THSD7B: variants seen among roughly 807,000 people sequenced by gnomAD.
THSD7B encodes the protein thrombospondin type-1 domain-containing protein 7B.
THSD7B carries 138 observed loss-of-function variants against 213.6 expected under a neutral mutation model. The ratio of observed to expected loss-of-function variants is 0.65; its 90% CI spans 0.56 to 0.74. THSD7B has a LOEUF of 0.74. THSD7B is among the 30% of genes least tolerant of loss of function. The pLI is 0.00. For synonymous variants in THSD7B, 742 were observed against 687.0 expected (o/e 1.08, Z -1.25); for missense variants, 1,931 against 1,991.5 (o/e 0.97, Z 0.58).
At chr2:137,518,888 TGGTGGCA>T (rs998114209) in intron 15 of THSD7B, among the ~76,000 whole-genome samples, 50 of 152,274 alleles carry the variant, frequency 3.3e-4, no homozygotes, top group African/African-American at 1.1e-3. Context: ...GCCAGCTACT[TGGTGGCA>T]GGTTGATTAT....
chr2:136,983,160 T>G (rs926147651), intron 2 of THSD7B, among the ~76,000 whole-genome samples: 10 of 152,172 alleles, frequency 6.6e-5, no homozygotes, highest in African/African-American at 1.7e-4. Context: ...AATATGAATT[T>G]TAAGCAAAAT....
chr2:137,325,314 G>A (rs1057366298), intron 12 of THSD7B, among the ~76,000 whole-genome samples: 1 of 152,164 alleles, frequency 6.6e-6, no homozygotes, highest in African/African-American at 2.4e-5. Context: ...TTTCAGCCAT[G>A]GCTTTTTAAA....
At chr2:137,029,525 A>G (rs914343897) in intron 2 of THSD7B, among the ~76,000 whole-genome samples, 1 of 152,174 alleles carries the variant, frequency 6.6e-6, no homozygotes, top group Admixed American at 6.5e-5. Context: ...AAGATATACA[A>G]ACATACTTGT....
intron 2 of THSD7B, among the ~76,000 whole-genome samples, chr2:136,888,452 T>C (rs1247644633): frequency 2.0e-5 from 3 of 152,098 alleles, no homozygotes; most frequent in Non-Finnish European, 2.9e-5. Flanking sequence ...TATTTATATA[T>C]TAAAGGTTAG....
intron 2 of THSD7B, among the ~76,000 whole-genome samples, chr2:136,883,666 G>A (rs1241706295): frequency 6.6e-6 from 1 of 152,162 alleles, no homozygotes; most frequent in Non-Finnish European, 1.5e-5. Flanking sequence ...AATGAGATGT[G>A]TTAAGAAAAT....
Position 137,219,942 on chromosome 2 carries a change from A to T in THSD7B, c.1724-11102A>T, listed in dbSNP as rs951191853. Among the ~76,000 whole-genome samples the T allele has an allele frequency of 3.9e-5, 6 of 152,178 alleles. No homozygotes were observed. In the East Asian group the frequency reaches 1.2e-3, roughly 29 times the overall value. On this transcript the variant is annotated intron_variant, in intron 7 of 27. Transcript: ENST00000409968. ...TCAGTTGTTACTTCAGTAAACATTC[A>T]CTATGGAAAAATTGTGCTATAGAAC...
chr2:137,316,757 C>CAAAAAAAAAAA (rs869268206), intron 12 of THSD7B, among the ~76,000 whole-genome samples: 1 of 21,800 alleles, frequency 4.6e-5, no homozygotes, highest in African/African-American at 1.7e-4. Flanking sequence ...GACTCTGTCT[C>CAAAAAAAAAAA]AAAAAAAAAA....
At chr2:136,838,507 G>A (rs555417504) in intron 1 of THSD7B, among the ~76,000 whole-genome samples, 13 of 152,122 alleles carry the variant, frequency 8.5e-5, no homozygotes, top group African/African-American at 2.9e-4. Flanking sequence ...CTAGAGCTTG[G>A]GGGAACATAA....
chr2:136,996,015 T>G (rs1182417878), intron 2 of THSD7B, among the ~76,000 whole-genome samples: 1 of 152,222 alleles, frequency 6.6e-6, no homozygotes, highest in Non-Finnish European at 1.5e-5. Flanking sequence ...TCATCTTTAC[T>G]TTTTATTTCA....
chr2:136,881,386 C>G (rs944140183), intron 1 of THSD7B, among the ~76,000 whole-genome samples: 1 of 152,098 alleles, frequency 6.6e-6, no homozygotes, highest in African/African-American at 2.4e-5. Context: ...ATAAAATATA[C>G]CGACACAGAG....
At chr2:137,402,101 T>C (rs898554975) in intron 12 of THSD7B, among the ~76,000 whole-genome samples, 21 of 152,242 alleles carry the variant, frequency 1.4e-4, no homozygotes, top group Non-Finnish European at 1.5e-4. Flanking sequence ...TAATAATTAA[T>C]AGCATTTATC....
intron 2 of THSD7B, among the ~76,000 whole-genome samples, chr2:136,995,747 G>A (rs1685873457): frequency 1.3e-5 from 2 of 152,136 alleles, no homozygotes; most frequent in South Asian, 4.1e-4. Context: ...CAAGGAGGTG[G>A]TTGTTACCTG....
chr2:136,872,751 A>G (rs1432940773), intron 1 of THSD7B, among the ~76,000 whole-genome samples: 1 of 137,602 alleles, frequency 7.3e-6, no homozygotes, highest in African/African-American at 2.7e-5. Context: ...CAGGTGGATC[A>G]TGAGGTCAGG....
chr2:137,486,517 G>T (rs1294996802), intron 15 of THSD7B, among the ~76,000 whole-genome samples: 1 of 150,756 alleles, frequency 6.6e-6, no homozygotes, highest in African/African-American at 2.4e-5. Context: ...CCTACAAAGA[G>T]ACTTAGACTC....
intron 12 of THSD7B, among the ~76,000 whole-genome samples, chr2:137,327,648 A>G (rs1684402832): frequency 6.6e-6 from 1 of 152,208 alleles, no homozygotes; most frequent in Non-Finnish European, 1.5e-5. Context: ...AGATAAATCA[A>G]TACAAGGAAG....
chr2:136,859,559 G>A (rs1217997825), intron 1 of THSD7B, among the ~76,000 whole-genome samples: 1 of 152,174 alleles, frequency 6.6e-6, no homozygotes, highest in African/African-American at 2.4e-5. Context: ...CTAGAGATGA[G>A]TTCCAAGGAA....
At chr2:137,092,858 G>A (rs904608344) in intron 3 of THSD7B, among the ~76,000 whole-genome samples, 16 of 152,232 alleles carry the variant, frequency 1.1e-4, no homozygotes, top group African/African-American at 3.6e-4. Context: ...GGCTGGTCTC[G>A]AACTCCTGAC....
At chr2:137,035,699 T>G (rs1403350327) in intron 2 of THSD7B, among the ~76,000 whole-genome samples, 1 of 152,134 alleles carries the variant, frequency 6.6e-6, no homozygotes, top group Non-Finnish European at 1.5e-5. Context: ...AAATCCCCAG[T>G]GCTTTCTGTG....
intron 2 of THSD7B, among the ~76,000 whole-genome samples, chr2:136,981,709 T>C (rs1685580766): frequency 6.6e-6 from 1 of 152,308 alleles, no homozygotes; most frequent in South Asian, 2.1e-4. Flanking sequence ...CTCTTTATCA[T>C]CAACTTCTCT....
Sources: allele counts gnomAD v4.1 joint callset (sites outside exome capture counted in the v4.1 genomes callset), GRCh38; gene constraint gnomAD v4.1.1; transcripts MANE v1.5; gene names NCBI Gene and HGNC (gene_info 2026-07-23, HGNC 2026-07-21).